NDFIP2: variants seen among roughly 807,000 people sequenced by gnomAD.
The protein encoded by NDFIP2 is NEDD4 family-interacting protein 2.
Under a neutral mutation model 36.0 loss-of-function variants are expected in NDFIP2, and 19 were observed. The observed-to-expected ratio is 0.53, with a 90% CI of 0.37 to 0.77. The LOEUF is 0.77. Among genes scored for constraint, NDFIP2 ranks in the 30% least tolerant of loss-of-function variants. NDFIP2 has a pLI of 0.00. For synonymous variants in NDFIP2, 181 were observed against 167.7 expected, an observed-to-expected ratio of 1.08 and a Z score of -0.61; for missense variants, 446 against 435.8, an observed-to-expected ratio of 1.02 and a Z score of -0.21.
intron 2 of NDFIP2, among the ~76,000 whole-genome samples, chr13:79,532,186 G>C (rs1418179046): frequency 6.6e-6 from 1 of 152,224 alleles, no homozygotes; most frequent in Non-Finnish European, 1.5e-5. Context: ...TACTGGGACA[G>C]AGACACAGAG....
chr13:79,515,832 A>G (rs995985096), intron 1 of NDFIP2, among the ~76,000 whole-genome samples: 6 of 139,838 alleles, frequency 4.3e-5, no homozygotes, highest in African/African-American at 1.6e-4. Flanking sequence ...TGACTCTGCT[A>G]TTTGATTTTA....
At chr13:79,487,816 A>C (rs910810033) in intron 1 of NDFIP2, among the ~76,000 whole-genome samples, 1 of 152,112 alleles carries the variant, frequency 6.6e-6, no homozygotes, top group African/African-American at 2.4e-5. Flanking sequence ...CTACCTGTAC[A>C]GTGACATATC....
At chr13:79,485,673 A>G (rs568471822) in intron 1 of NDFIP2, among the ~76,000 whole-genome samples, 1 of 152,296 alleles carries the variant, frequency 6.6e-6, no homozygotes, top group South Asian at 2.1e-4. Context: ...ATAGTCTGAT[A>G]GCTACTTTTC....
At chr13:79,497,662 T>G (rs1873485031) in intron 1 of NDFIP2, among the ~76,000 whole-genome samples, 1 of 134,280 alleles carries the variant, frequency 7.4e-6, no homozygotes, top group African/African-American at 3.3e-5. Flanking sequence ...ATTTCTGAGT[T>G]TTTTTTTTTT....
intron 5 of NDFIP2, among the ~76,000 whole-genome samples, chr13:79,545,167 C>T (rs991453887): frequency 4.6e-5 from 7 of 152,124 alleles, no homozygotes; most frequent in Admixed American, 1.3e-4. Flanking sequence ...GATTTCTCAT[C>T]TAAATCACAG....
chr13:79,538,379 A>G (rs573506848), intron 3 of NDFIP2, among the ~76,000 whole-genome samples: 1 of 152,242 alleles, frequency 6.6e-6, no homozygotes, highest in East Asian at 1.9e-4. Flanking sequence ...AAGAGTCAAC[A>G]ATCCAAAGCC....
At chr13:79,530,229 C>T (rs573545138) in intron 2 of NDFIP2, among the ~76,000 whole-genome samples, 3 of 152,060 alleles carry the variant, frequency 2.0e-5, no homozygotes, top group Non-Finnish European at 2.9e-5. Context: ...GCTCAAGCAA[C>T]GCTCCTGCCT....
chr13:79,515,205 G>A (rs1211029489), intron 1 of NDFIP2, among the ~76,000 whole-genome samples: 1 of 136,598 alleles, frequency 7.3e-6, no homozygotes, highest in Non-Finnish European at 1.5e-5. Flanking sequence ...AACAAGTACA[G>A]TAAAAGTTTG....
intron 6 of NDFIP2, 29 bp from the exon 7 acceptor site, chr13:79,550,988 G>A (rs1390598152): frequency 7.6e-7 from 1 of 1,310,256 alleles, no homozygotes; most frequent in African/African-American, 1.5e-5. Context: ...TAAAAACATA[G>A]TATATCCATA....
intron 1 of NDFIP2, among the ~76,000 whole-genome samples, chr13:79,508,334 G>A (rs1231358461): frequency 1.3e-5 from 2 of 152,184 alleles, no homozygotes; most frequent in African/African-American, 2.4e-5. Context: ...ATCAGAGAGC[G>A]TTCTTAGATC....
At chr13:79,508,324 A>G (rs982764754) in intron 1 of NDFIP2, among the ~76,000 whole-genome samples, 2 of 152,186 alleles carry the variant, frequency 1.3e-5, no homozygotes, top group Non-Finnish European at 2.9e-5. Context: ...AGGGGTCTGG[A>G]TCAGAGAGCG....
chr13:79,553,675 T>C lies in NDFIP2; in HGVS notation c.*1162T>C, dbSNP rs1467708116. ...ATGCAAAATACTCATTTTCAAGTTA[T>C]GGAAATGTGTTTGTGGCATATAGGA... On this transcript the variant is annotated 3_prime_UTR_variant, in exon 8 of 8. Coordinates refer to ENST00000218652, the MANE Select transcript of NDFIP2 (RefSeq NM_019080.3). 3 of 152,000 alleles carry C rather than the reference T, an allele frequency of 2.0e-5. No individual in the cohort carries two copies. The highest frequency in any genetic ancestry group is 2.1e-4 in the South Asian group (1 of 4,838). 9.4% of individuals were successfully genotyped at this position (152,000 alleles called of 1,614,324 possible).
chr13:79,540,134 G>A (rs1358107820), intron 4 of NDFIP2, among the ~76,000 whole-genome samples: 1 of 152,114 alleles, frequency 6.6e-6, no homozygotes, highest in East Asian at 1.9e-4. Flanking sequence ...GCACTATTGG[G>A]GCAGAGGATT....
At chr13:79,493,341 A>G (rs1873316753) in intron 1 of NDFIP2, among the ~76,000 whole-genome samples, 1 of 152,142 alleles carries the variant, frequency 6.6e-6, no homozygotes, top group Non-Finnish European at 1.5e-5. Context: ...TGCACTGTTG[A>G]TATTCTTGAT....
intron 1 of NDFIP2, among the ~76,000 whole-genome samples, chr13:79,484,456 G>A (rs1360644405): frequency 6.6e-6 from 1 of 152,180 alleles, no homozygotes; most frequent in African/African-American, 2.4e-5. Context: ...CTGTATTTCA[G>A]AATGATAGTA....
chr13:79,501,283 G>A (rs529474495), intron 1 of NDFIP2, among the ~76,000 whole-genome samples: 3 of 152,114 alleles, frequency 2.0e-5, no homozygotes, highest in South Asian at 2.1e-4. Context: ...AGCGCCAAGA[G>A]TGACTCTAAT....
At chr13:79,542,169 G>A (rs961933876) in intron 4 of NDFIP2, among the ~76,000 whole-genome samples, 1 of 152,158 alleles carries the variant, frequency 6.6e-6, no homozygotes, top group Non-Finnish European at 1.5e-5. Context: ...ACTTCAAAAT[G>A]TAATGGGCTC....
In NDFIP2 at chr13:79,548,349, T is replaced by C. The variant is rs1459337483; in HGVS notation, c.862T>C (p.Tyr288His). Residue 288 changes from tyrosine to histidine, a missense_variant, in exon 6 of 8, where the codon TAT (tyrosine) becomes CAT (histidine). Tyr to His is a moderately conservative substitution (Grantham distance 83). Around this residue, in one of 2 missense-constraint regions of NDFIP2, gnomAD observed 77 missense variants for 131.0 expected, o/e 0.59. Coordinates refer to ENST00000218652, the MANE Select transcript of NDFIP2 (RefSeq NM_019080.3). ...IVRFSDYFTGYFNGQYWLWWI... is the reference protein window; with the variant it reads ...IVRFSDYFTGHFNGQYWLWWI... ...ATAGTTTTCTGATTATTTTACTGGA[T>C]ATTTCAATGGACAGTATTGGCTTTG... is the stretch of plus-strand genomic sequence containing the variant. The C allele has an allele frequency of 6.3e-7, 1 of 1,592,034 alleles. No homozygotes were observed. The highest frequency in any genetic ancestry group is 2.3e-5 in the East Asian group (1 of 44,170).
intron 1 of NDFIP2, among the ~76,000 whole-genome samples, chr13:79,493,643 T>A (rs947637619): frequency 2.0e-5 from 3 of 152,136 alleles, no homozygotes; most frequent in Non-Finnish European, 2.9e-5. Context: ...AGAGGACAGA[T>A]TTTATTACCG....
Sources: allele counts gnomAD v4.1 joint callset (sites outside exome capture counted in the v4.1 genomes callset), GRCh38; gene constraint gnomAD v4.1.1; regional missense constraint gnomAD v4.1.1; transcripts MANE v1.5; gene names NCBI Gene and HGNC (gene_info 2026-07-23, HGNC 2026-07-21).